The following STK24 variants were observed in gnomAD, a reference collection of about 807,000 sequenced individuals.
The protein encoded by STK24 is serine/threonine-protein kinase 24.
Under a neutral mutation model 55.6 loss-of-function variants are expected in STK24, and 21 were observed. The observed-to-expected ratio is 0.38, with a 90% CI of 0.27 to 0.54. The LOEUF (loss-of-function observed/expected upper bound fraction) is 0.54, where lower values mean the gene tolerates loss of function less well. Ranked by LOEUF, STK24 falls within the 20% of genes least tolerant of loss-of-function variation. STK24 has a pLI of 0.79. For missense variants in STK24, 383 were observed against 538.4 expected (o/e 0.71, Z 2.86); for synonymous variants, 200 against 215.2 (o/e 0.93, Z 0.62).
At chr13:98,487,543 T>C (rs1161570782) in intron 2 of STK24, among the ~76,000 whole-genome samples, 1 of 151,940 alleles carries the variant, frequency 6.6e-6, no homozygotes, top group Non-Finnish European at 1.5e-5. Context: ...CGACATCTAA[T>C]GTAACCTCAG....
chr13:98,467,121 G>T (rs2139268804), intron 5 of STK24, among the ~76,000 whole-genome samples: 1 of 144,172 alleles, frequency 6.9e-6, no homozygotes, highest in Middle Eastern at 3.6e-3. Context: ...CTTACCAGGG[G>T]CCCAGAACTT....
intron 1 of STK24, among the ~76,000 whole-genome samples, chr13:98,535,698 C>A (rs757884488): frequency 2.6e-5 from 4 of 152,114 alleles, no homozygotes; most frequent in Non-Finnish European, 4.4e-5. Context: ...TGAGACAATT[C>A]GGGCACAGAT....
At chr13:98,517,019 GC>G (rs1395514584) in intron 2 of STK24, among the ~76,000 whole-genome samples, 1 of 152,196 alleles carries the variant, frequency 6.6e-6, no homozygotes. Flanking sequence ...CAATAAAGCA[GC>G]CCATTCCAGC....
At chr13:98,543,512 G>A (rs1366934618) in intron 1 of STK24, among the ~76,000 whole-genome samples, 1 of 152,184 alleles carries the variant, frequency 6.6e-6, no homozygotes, top group Admixed American at 6.5e-5. Flanking sequence ...AGGTCAAACA[G>A]CTGGTCTCCA....
intron 2 of STK24, among the ~76,000 whole-genome samples, chr13:98,516,441 G>A (rs1239176011): frequency 6.6e-6 from 1 of 152,176 alleles, no homozygotes; most frequent in African/African-American, 2.4e-5. Flanking sequence ...TTCCTACAGA[G>A]ATGAAGTGAC....
rs1225416438 is a variant in STK24, at chr13:98,463,849, A to G, written c.784-13T>C. 5 of 1,609,668 alleles carry G rather than the reference A, an allele frequency of 3.1e-6. No individual in the cohort carries two copies. The African/African-American group carries it at 4.0e-5, about 13-fold the overall frequency. On this transcript the variant is annotated splice_polypyrimidine_tract_variant and intron_variant, in intron 6 of 10. Transcript: ENST00000539966. ...TAGCAGTGGGTCTCTGGAAAAACAC[A>G]CCCAACAATTAAAGTATGAGATGAA... is the stretch of plus-strand genomic sequence containing the variant.
chr13:98,478,928 T>G (rs984953452), intron 3 of STK24, among the ~76,000 whole-genome samples: 44 of 152,264 alleles, frequency 2.9e-4, no homozygotes, highest in African/African-American at 1.0e-3. Flanking sequence ...GAAGGAACCT[T>G]CTAACAAACG....
intron 1 of STK24, among the ~76,000 whole-genome samples, chr13:98,551,739 T>C (rs1239815067): frequency 1.3e-5 from 2 of 152,190 alleles, no homozygotes; most frequent in Non-Finnish European, 2.9e-5. Context: ...ACTCCAATGC[T>C]TGCTGGAATG....
Position 98,457,500 on chromosome 13 carries a change from G to A in STK24, c.1123-196C>T, listed in dbSNP as rs1594569488. Among the ~76,000 whole-genome samples the A allele has an allele frequency of 2.0e-5, 3 of 146,364 alleles. No individual in the cohort carries two copies. In the East Asian group the frequency reaches 6.0e-4, roughly 29 times the overall value. The stretch of plus-strand genomic sequence containing the variant: ...TTTTTTTTTTTGTGAGACGGAGTCT[G>A]GCTTTGTTGCTCAGGCTGGAGTACA... On this transcript the variant is annotated intron_variant, in intron 9 of 10. Transcript: ENST00000539966.
chr13:98,493,408 T>TA (rs1254705663), intron 2 of STK24, among the ~76,000 whole-genome samples: 1 of 152,030 alleles, frequency 6.6e-6, no homozygotes, highest in Admixed American at 6.5e-5. Flanking sequence ...GAAATACAAC[T>TA]ACAAATAACC....
intron 2 of STK24, among the ~76,000 whole-genome samples, chr13:98,500,617 A>ACCCCCACCCC (rs1895417228): frequency 2.7e-5 from 3 of 109,494 alleles, no homozygotes; most frequent in South Asian, 3.2e-4. Context: ...AAACCTTCCC[A>ACCCCCACCCC]CCCCCACCCC....
intron 2 of STK24, among the ~76,000 whole-genome samples, chr13:98,490,962 A>G (rs1895007231): frequency 6.6e-6 from 1 of 152,198 alleles, no homozygotes; most frequent in Non-Finnish European, 1.5e-5. Context: ...TCTCTGGAGA[A>G]AACGAGAGAG....
rs1212168281 is a variant in STK24 at position 98,567,950 on chromosome 13, G to C, written c.42+8795C>G. ...AGTGGTTTAAAAAAAAAAAGGGGGG[G>C]GGTGGGGAGTAGAGGAAGACAACGC... On this transcript the variant is annotated intron_variant, in intron 1 of 10. Coordinates refer to ENST00000539966, the MANE Select transcript of STK24 (RefSeq NM_001032296.4). 4.0e-5 allele frequency among the ~76,000 whole-genome samples: 6 copies of C among 149,328 alleles called. 1 individual carries two copies. Among genetic ancestry groups the C allele is most frequent in the African/African-American group, 1.5e-4 (6 of 40,732 alleles).
At chr13:98,574,253 C>T (rs185555537) in intron 1 of STK24, among the ~76,000 whole-genome samples, 2 of 152,278 alleles carry the variant, frequency 1.3e-5, no homozygotes, top group East Asian at 3.9e-4. Context: ...CCTCATGATC[C>T]GCCCACTTCG....
chr13:98,571,502 A>C (rs1429454710), intron 1 of STK24, among the ~76,000 whole-genome samples: 1 of 151,924 alleles, frequency 6.6e-6, no homozygotes. Context: ...CTGAGACTGG[A>C]CTCCTCCAAA....
At chr13:98,508,104 C>T (rs1895758008) in intron 2 of STK24, among the ~76,000 whole-genome samples, 1 of 152,294 alleles carries the variant, frequency 6.6e-6, no homozygotes, top group East Asian at 1.9e-4. Context: ...TCTTCCTGCT[C>T]CCCACCGCTT....
chr13:98,493,172 A>G (rs918276796), intron 2 of STK24, among the ~76,000 whole-genome samples: 2 of 152,322 alleles, frequency 1.3e-5, no homozygotes, highest in African/African-American at 4.8e-5. Flanking sequence ...GGCATTCCCT[A>G]AAACATTCTT....
chr13:98,543,195 A>G (rs768968983), intron 1 of STK24, among the ~76,000 whole-genome samples: 19 of 152,102 alleles, frequency 1.2e-4, no homozygotes, highest in Non-Finnish European at 2.6e-4. Context: ...TTTTTCCCCA[A>G]AAAAAGAGAA....
chr13:98,487,397 A>G (rs1336323553), intron 2 of STK24, among the ~76,000 whole-genome samples: 1 of 152,258 alleles, frequency 6.6e-6, no homozygotes, highest in African/African-American at 2.4e-5. Flanking sequence ...TCAGGGAAAT[A>G]AAAGTATTCA....
Sources: gnomAD v4.1 joint callset for allele counts (sites outside exome capture counted in the v4.1 genomes callset) on GRCh38, gnomAD v4.1.1 for gene constraint, MANE v1.5 for transcripts, NCBI Gene and HGNC (gene_info 2026-07-23, HGNC 2026-07-21) for gene names.